The following HCRTR2 variants were observed in gnomAD, a reference collection of about 807,000 sequenced individuals.
HCRTR2 encodes orexin receptor type 2.
HCRTR2 carries 22 observed loss-of-function variants against 49.0 expected under a neutral mutation model. The ratio of observed to expected loss-of-function variants is 0.45; its 90% CI spans 0.32 to 0.64. The LOEUF is 0.64. Ranked by LOEUF, HCRTR2 falls within the 30% of genes least tolerant of loss-of-function variation. The pLI, the probability that HCRTR2 is intolerant of heterozygous loss-of-function variation, is 0.04. For synonymous variants in HCRTR2, 236 were observed against 205.3 expected, an observed-to-expected ratio of 1.15 and a Z score of -1.28; for missense variants, 491 against 559.4, an observed-to-expected ratio of 0.88 and a Z score of 1.23.
intron 1 of HCRTR2, among the ~76,000 whole-genome samples, chr6:55,195,411 G>A (rs1019491688): frequency 6.6e-6 from 1 of 152,156 alleles, no homozygotes; most frequent in African/African-American, 2.4e-5. Context: ...AAATCAGATA[G>A]AGAGAAGGTA....
rs1355903746 is a variant in HCRTR2, at chr6:55,277,377, C to T, written c.763-3C>T. On this transcript the variant is annotated splice_polypyrimidine_tract_variant and splice_region_variant and intron_variant, in intron 4 of 6. Coordinates refer to ENST00000370862, the MANE Select transcript of HCRTR2 (RefSeq NM_001384272.1). ...AATAAGGGTCTGTCTCTTCTCCTTT[C>T]AGATCCCTGGAACATCATCTGTAGT... is the stretch of plus-strand genomic sequence containing the variant. 9 of 1,611,586 alleles carry T rather than the reference C, an allele frequency of 5.6e-6. No individual in the cohort carries two copies. Among genetic ancestry groups the T allele is most frequent in the South Asian group, 1.1e-5 (1 of 91,004 alleles).
At chr6:55,281,489 A>T (rs1419315859) in intron 6 of HCRTR2, among the ~76,000 whole-genome samples, 1 of 152,230 alleles carries the variant, frequency 6.6e-6, no homozygotes, top group Non-Finnish European at 1.5e-5. Flanking sequence ...ATAACTCATT[A>T]TGTGACTGCT....
At chr6:55,232,897 C>A (rs2127300679) in intron 1 of HCRTR2, among the ~76,000 whole-genome samples, 1 of 152,180 alleles carries the variant, frequency 6.6e-6, no homozygotes, top group East Asian at 1.9e-4. Context: ...ATAAACTTTA[C>A]CTCTATATTA....
chr6:55,211,201 T>C (rs1295245827), intron 1 of HCRTR2, among the ~76,000 whole-genome samples: 2 of 152,194 alleles, frequency 1.3e-5, no homozygotes, highest in Non-Finnish European at 2.9e-5. Flanking sequence ...TAAGGATGCA[T>C]TTCTCAGCAT....
intron 1 of HCRTR2, among the ~76,000 whole-genome samples, chr6:55,217,442 G>A (rs1173626377): frequency 3.3e-5 from 5 of 152,104 alleles, no homozygotes; most frequent in African/African-American, 1.2e-4. Flanking sequence ...ACAGCCAAAA[G>A]TAGCCAAACA....
intron 1 of HCRTR2, among the ~76,000 whole-genome samples, chr6:55,158,120 T>G (rs1367675088): frequency 6.6e-6 from 1 of 152,092 alleles, no homozygotes; most frequent in Non-Finnish European, 1.5e-5. Flanking sequence ...CTCCTCTCAT[T>G]GGGACTGGTT....
rs111954842 is a variant in HCRTR2, at chr6:55,218,742, A to T, written c.224-29897A>T. ...TTTAAACATATATGTATTCAATCTT[A>T]GGGCTTTAAAATATATAAACAAATA... On this transcript the variant is annotated intron_variant, in intron 1 of 6. Coordinates refer to ENST00000370862, the MANE Select transcript of HCRTR2 (RefSeq NM_001384272.1). 2.0e-3 allele frequency among the ~76,000 whole-genome samples: 304 copies of T among 152,358 alleles called. 1 individual carries two copies. Among genetic ancestry groups the T allele is most frequent in the African/African-American group, 6.9e-3 (287 of 41,590 alleles).
intron 1 of HCRTR2, among the ~76,000 whole-genome samples, chr6:55,216,902 T>C (rs1430571037): frequency 6.6e-6 from 1 of 152,206 alleles, no homozygotes; most frequent in Non-Finnish European, 1.5e-5. Flanking sequence ...CCCATGCTTT[T>C]AGATACATCC....
chr6:55,189,333 C>A (rs946611968), intron 1 of HCRTR2, among the ~76,000 whole-genome samples: 1 of 152,046 alleles, frequency 6.6e-6, no homozygotes, highest in Non-Finnish European at 1.5e-5. Flanking sequence ...TGTTGAGACT[C>A]TTCAGGGCAG....
intron 1 of HCRTR2, among the ~76,000 whole-genome samples, chr6:55,141,108 G>A (rs539426222): frequency 6.6e-6 from 1 of 151,964 alleles, no homozygotes; most frequent in East Asian, 1.9e-4. Flanking sequence ...GCCGATGTGG[G>A]TGGATCACGA....
chr6:55,275,342 A>G (rs1317995003), intron 4 of HCRTR2, among the ~76,000 whole-genome samples: 4 of 152,108 alleles, frequency 2.6e-5, no homozygotes, highest in Non-Finnish European at 5.9e-5. Context: ...ATTTACAATA[A>G]TGTACTTTTA....
intron 1 of HCRTR2, among the ~76,000 whole-genome samples, chr6:55,225,570 A>C (rs1195716221): frequency 1.3e-5 from 2 of 152,188 alleles, no homozygotes; most frequent in Non-Finnish European, 2.9e-5. Flanking sequence ...TGCACAAGGC[A>C]TAGAGAATAA....
intron 1 of HCRTR2, among the ~76,000 whole-genome samples, chr6:55,204,095 T>C (rs2127286610): frequency 6.6e-6 from 1 of 152,264 alleles, no homozygotes; most frequent in Middle Eastern, 3.4e-3. Context: ...GACTTCTTGC[T>C]TGAGAGCCTT....
At chr6:55,109,907 G>A (rs1003783274) in intron 1 of HCRTR2, among the ~76,000 whole-genome samples, 9 of 152,048 alleles carry the variant, frequency 5.9e-5, no homozygotes, top group Non-Finnish European at 8.8e-5. Flanking sequence ...TCATTGCCTA[G>A]GCACATAGTC....
rs184051838 is a variant in HCRTR2, at chr6:55,197,746, C to T, written c.223+22936C>T. Reference sequence around the variant, plus strand: ...ATGCCATTCTCCTGCCTCAGCCTCCCGAGTAGCTGGGACTACAGGTGCCCG... The same window carrying T: ...ATGCCATTCTCCTGCCTCAGCCTCCTGAGTAGCTGGGACTACAGGTGCCCG... On this transcript the variant is annotated intron_variant, in intron 1 of 6. Transcript: ENST00000370862. 3.7e-3 allele frequency among the ~76,000 whole-genome samples: 565 copies of T among 152,130 alleles called. 6 individuals carry two copies. The highest frequency in any genetic ancestry group is 0.013 in the African/African-American group (534 of 41,498).
In HCRTR2 at chr6:55,277,487, G is replaced by A. The variant is rs200037786; in HGVS notation, c.870G>A (p.Ala290=). 2.5e-6 allele frequency: 4 copies of A among 1,613,946 alleles called. No individual in the cohort carries two copies. The highest frequency in any genetic ancestry group is 2.2e-5 in the South Asian group (2 of 91,086). Reference sequence around the variant, plus strand: ...CGAAGTCCCGGATGAGCGCTGTGGCGGCTGAAATAAAGCAGATCCGAGCCA... The same window carrying A: ...CGAAGTCCCGGATGAGCGCTGTGGCAGCTGAAATAAAGCAGATCCGAGCCA... The part of the protein sequence containing the change: ...QPTKSRMSAV[A]AEIKQIRARR... Residue 290 remains alanine (A), a synonymous_variant, in exon 5 of 7, where the codon GCG becomes GCA. Coordinates refer to ENST00000370862, the MANE Select transcript of HCRTR2 (RefSeq NM_001384272.1).
chr6:55,246,191 C>G (rs1766440230), intron 1 of HCRTR2, among the ~76,000 whole-genome samples: 1 of 152,022 alleles, frequency 6.6e-6, no homozygotes. Context: ...TTTGAGAGTT[C>G]TAGCTCCAGA....
chr6:55,173,719 G>A (rs745892253), upstream of HCRTR2, among the ~76,000 whole-genome samples: 5 of 152,244 alleles, frequency 3.3e-5, no homozygotes, highest in Admixed American at 6.5e-5. Context: ...GACACTTGGC[G>A]TCCTTCAAGA....
rs1219006332 is a variant in HCRTR2 at position 55,254,567 on chromosome 6, A to T, written c.403-569A>T. Among the ~76,000 whole-genome samples the T allele has an allele frequency of 2.6e-5, 4 of 152,126 alleles. No homozygotes were observed. The East Asian group carries it at 7.7e-4, about 29-fold the overall frequency. On this transcript the variant is annotated intron_variant, in intron 2 of 6. Transcript: ENST00000370862. The stretch of plus-strand genomic sequence containing the variant: ...AAATTCTCTTTTAATATGACTCGTA[A>T]CTTTCCTTGGGTGCTACATGTTGAA...
Sources: gnomAD v4.1 joint callset for allele counts (sites outside exome capture counted in the v4.1 genomes callset) on GRCh38, gnomAD v4.1.1 for gene constraint, MANE v1.5 for transcripts, NCBI Gene and HGNC (gene_info 2026-07-23, HGNC 2026-07-21) for gene names.